Variants in TET2 observed in about 807,000 individuals in gnomAD.
TET2 encodes methylcytosine dioxygenase TET2.
In TET2, 299 loss-of-function variants were observed where a neutral mutation model predicts 142.9. The ratio of observed to expected loss-of-function variants is 2.09; its 90% confidence interval spans 1.90 to 2.30. The LOEUF is 2.30. Ranked by LOEUF, TET2 falls within the 30% of genes most tolerant of loss-of-function variation. The pLI, the probability that TET2 is intolerant of heterozygous loss-of-function variation, is 0.00. For missense variants in TET2, 2,418 were observed against 2,378.0 expected (o/e 1.02, Z -0.35); for synonymous variants, 819 against 849.0 (o/e 0.96, Z 0.61).
chr4:105,230,979 AGTT>A (rs1728476645), intron 2 of TET2, among the ~76,000 whole-genome samples: 1 of 152,114 alleles, frequency 6.6e-6, no homozygotes, highest in Admixed American at 6.5e-5. Context: ...GAGATTACCC[AGTT>A]GTTCTAATAT....
intron 1 of TET2, among the ~76,000 whole-genome samples, chr4:105,163,846 AGAGAGAGAGTGTGTGTGTGTGTGT>A (rs1271886289): frequency 8.6e-6 from 1 of 116,134 alleles, no homozygotes; most frequent in East Asian, 2.2e-4. Flanking sequence ...AGAGAGAGAG[AGAGAGAGAGTGTGTGTGTGTGTGT>A]GTGTGTGTGT....
intron 1 of TET2, among the ~76,000 whole-genome samples, chr4:105,181,533 C>T (rs921495020): frequency 6.6e-6 from 1 of 152,158 alleles, no homozygotes; most frequent in African/African-American, 2.4e-5. Flanking sequence ...TCTTTAGATT[C>T]AGATATTTCA....
intron 7 of TET2, among the ~76,000 whole-genome samples, chr4:105,260,187 T>A (rs1730353294): frequency 3.9e-5 from 6 of 152,072 alleles, no homozygotes; most frequent in Admixed American, 3.9e-4. Context: ...ATAAAGTCAC[T>A]GTAATGAATG....
At chr4:105,180,585 A>G (rs184740392) in intron 1 of TET2, among the ~76,000 whole-genome samples, 13 of 152,256 alleles carry the variant, frequency 8.5e-5, no homozygotes, top group Admixed American at 1.3e-4. Flanking sequence ...AATATTCTCC[A>G]TGATCTCCAT....
chr4:105,186,481 T>C (rs943282412), intron 1 of TET2, among the ~76,000 whole-genome samples: 4 of 145,684 alleles, frequency 2.7e-5, no homozygotes, highest in Non-Finnish European at 6.1e-5. Flanking sequence ...TTCTTTTTTT[T>C]TTTTTTTTTT....
In TET2 at chr4:105,234,559, T is replaced by C; in HGVS notation, c.617T>C (p.Leu206Pro). The C allele has an allele frequency of 6.2e-7, 1 of 1,614,158 alleles. No individual in the cohort carries two copies. The highest frequency in any genetic ancestry group is 8.5e-7 in the Non-Finnish European group (1 of 1,180,006). Reference sequence around the variant, plus strand: ...GTATTACTTAAAAACAAGGCAGTGCTAATGCCTAATGGTGCTACAGTTTCT... The same window carrying C: ...GTATTACTTAAAAACAAGGCAGTGCCAATGCCTAATGGTGCTACAGTTTCT... ...NIVLLKNKAV[L>P]MPNGATVSAS... The change falls in exon 3 of 11, where the codon CTA (leucine) becomes CCA (proline). Residue 206 changes from leucine to proline, a missense_variant. Transcript: ENST00000380013.
At chr4:105,156,340 A>G (rs1003988572) in intron 1 of TET2, among the ~76,000 whole-genome samples, 2 of 152,244 alleles carry the variant, frequency 1.3e-5, no homozygotes, top group Admixed American at 1.3e-4. Flanking sequence ...GCCTATGTTC[A>G]GGCATAGAAA....
At chr4:105,241,670 AC>A (rs1216818165) in intron 4 of TET2, 1 of 1,279,440 alleles carries the variant, frequency 7.8e-7, no homozygotes, top group Non-Finnish European at 9.9e-7. Context: ...ATGCCAGAAA[AC>A]CCAGGCATGA....
intron 9 of TET2, 44 bp from the exon 10 acceptor site, chr4:105,272,520 T>G (rs908151305): frequency 7.5e-7 from 1 of 1,330,430 alleles, no homozygotes; most frequent in Non-Finnish European, 1.0e-6. Context: ...CACGTTTTCT[T>G]TGGGACCTGT....
chr4:105,253,248 A>G (rs926034835), intron 6 of TET2, among the ~76,000 whole-genome samples: 1 of 152,150 alleles, frequency 6.6e-6, no homozygotes, highest in South Asian at 2.1e-4. Flanking sequence ...ATTTTGATAG[A>G]TTGCACTGCA....
chr4:105,273,018 G>A (rs1282568524), intron 10 of TET2, 100 bp downstream of exon 10: 4 of 902,488 alleles, frequency 4.4e-6, no homozygotes, highest in Non-Finnish European at 5.0e-6. Context: ...AAGTTCTGGG[G>A]TACACATGCA....
At chr4:105,215,503 A>T (rs1727439242) in intron 2 of TET2, among the ~76,000 whole-genome samples, 3 of 152,214 alleles carry the variant, frequency 2.0e-5, no homozygotes, top group Admixed American at 6.5e-5. Context: ...GAGATGAAAT[A>T]CTTGTAAATG....
chr4:105,216,925 T>G (rs997186036), intron 2 of TET2, among the ~76,000 whole-genome samples: 7 of 152,114 alleles, frequency 4.6e-5, no homozygotes, highest in African/African-American at 1.7e-4. Flanking sequence ...TATGGAAATT[T>G]CTTTGCAGGT....
chr4:105,148,043 C>G (rs762743972), intron 1 of TET2, among the ~76,000 whole-genome samples: 1 of 151,946 alleles, frequency 6.6e-6, no homozygotes, highest in Non-Finnish European at 1.5e-5. Flanking sequence ...TCTTTCTTCT[C>G]TCTCTCTCAT....
In TET2 at chr4:105,234,552, G is replaced by A. The variant is rs1363449172; in HGVS notation, c.610G>A (p.Ala204Thr). ...GAACATTGTATTACTTAAAAACAAGGCAGTGCTAATGCCTAATGGTGCTAC... is the reference window on the plus strand; with the variant it reads ...GAACATTGTATTACTTAAAAACAAGACAGTGCTAATGCCTAATGGTGCTAC... ...DKNIVLLKNK[A>T]VLMPNGATVS... Residue 204 changes from alanine to threonine, a missense_variant, in exon 3 of 11, where the codon GCA becomes ACA. Transcript: ENST00000380013. The A allele has an allele frequency of 5.6e-6, 9 of 1,614,034 alleles. No individual in the cohort carries two copies. The highest frequency in any genetic ancestry group is 7.6e-6 in the Non-Finnish European group (9 of 1,180,014).
rs531872896 is a variant in TET2, at chr4:105,233,931, G to A, written c.-12G>A. ...AGAGGGCAGCCTTGTGGATGGCCCC[G>A]AAGCAAGCCTGATGGAACAGGATAG... On this transcript the variant is annotated 5_prime_UTR_variant, in exon 3 of 11. Transcript: ENST00000380013. 1.8e-5 allele frequency: 29 copies of A among 1,603,892 alleles called. No homozygotes were observed. The South Asian group carries it at 2.3e-4, about 12-fold the overall frequency.
intron 2 of TET2, among the ~76,000 whole-genome samples, chr4:105,214,499 A>AGAG (rs140499727): frequency 0.086 from 9,599 of 112,070 alleles, 1,254 homozygotes; most frequent in African/African-American, 0.3. Flanking sequence ...TTTTTTGTAG[A>AGAG]GAGGTTTCGC....
intron 6 of TET2, among the ~76,000 whole-genome samples, chr4:105,252,364 A>G (rs953351799): frequency 2.6e-5 from 4 of 152,188 alleles, no homozygotes; most frequent in Non-Finnish European, 5.9e-5. Context: ...ATTTCTTTTC[A>G]GCATTGAATA....
chr4:105,223,578 A>C (rs6839705), intron 2 of TET2, among the ~76,000 whole-genome samples: 91,850 of 151,888 alleles, frequency 0.6, 28,272 homozygotes, highest in African/African-American at 0.67. Context: ...AGAACACTAT[A>C]CAGAGGGAAA....
Sources: allele counts gnomAD v4.1 joint callset (sites outside exome capture counted in the v4.1 genomes callset), GRCh38; gene constraint gnomAD v4.1.1; transcripts MANE v1.5; gene names NCBI Gene and HGNC (gene_info 2026-07-23, HGNC 2026-07-21).